Variants in TP53AIP1 observed in about 807,000 individuals in gnomAD.
The protein encoded by TP53AIP1 is p53-regulated apoptosis-inducing protein 1.
Under a neutral mutation model 9.5 loss-of-function variants are expected in TP53AIP1, and 14 were observed. The ratio of observed to expected loss-of-function variants is 1.47; its 90% CI spans 0.97 to 2.30. The LOEUF (loss-of-function observed/expected upper bound fraction) is 2.30, where lower values mean the gene tolerates loss of function less well. Among genes scored for constraint, TP53AIP1 ranks in the 30% most tolerant of loss-of-function variants. TP53AIP1 has a pLI of 0.00. For missense variants in TP53AIP1, 153 were observed against 146.7 expected (o/e 1.04, Z -0.22); for synonymous variants, 73 against 61.2 (o/e 1.19, Z -0.90).
chr11:128,936,647 A>G lies in TP53AIP1; in HGVS notation c.144T>C (p.Val48=). Residue 48 remains valine (V), a splice_region_variant and synonymous_variant, in exon 3 of 4, where the codon GTT becomes GTC. Coordinates refer to ENST00000531399, the MANE Select transcript of TP53AIP1 (RefSeq NM_022112.3). Reference sequence around the variant, plus strand: ...GGGCACCCAAAACTAAGGGATCTGAAACCTGAGAGGAAATGGAAGCAGACT... The same window carrying G: ...GGGCACCCAAAACTAAGGGATCTGAGACCTGAGAGGAAATGGAAGCAGACT... The part of the protein sequence containing the change: ...GRAQTHTPGW[V]SDPLVLGAQV... 1 of 1,580,050 alleles carries G rather than the reference A, an allele frequency of 6.3e-7. No homozygotes were observed. Among genetic ancestry groups the G allele is most frequent in the African/African-American group, 1.3e-5 (1 of 74,570 alleles).
In TP53AIP1 at chr11:128,936,988, G is replaced by T. The variant is rs560119944; in HGVS notation, c.142-339C>A. On this transcript the variant is annotated intron_variant, in intron 2 of 3. Coordinates refer to ENST00000531399, the MANE Select transcript of TP53AIP1 (RefSeq NM_022112.3). ...CTGGGCCCTGCACCTCAGACGCTGC[G>T]TGTGAGCTTCTGGGGAGAGAAGTGT... 17 of 1,091,188 alleles carry T rather than the reference G, an allele frequency of 1.6e-5. No individual in the cohort carries two copies. In the African/African-American group the frequency reaches 2.0e-4, roughly 13 times the overall value. The allele number at this position is 1,091,188 out of a possible 1,614,324, so 67.6% of individuals were successfully genotyped here.
downstream of TP53AIP1, chr11:128,934,883 T>C (rs764644980): frequency 3.5e-5 from 23 of 648,362 alleles, no homozygotes; most frequent in Non-Finnish European, 5.6e-5. Context: ...TCCTCGGAAG[T>C]GTCATGTAGA....
At chr11:128,935,837 A>G (rs369880197) in intron 3 of TP53AIP1, 125 bp from the exon 4 acceptor site, 4 of 1,374,332 alleles carry the variant, frequency 2.9e-6, no homozygotes, top group Middle Eastern at 4.2e-4. Context: ...CTAAAACACA[A>G]TCCATTGTAA....
Position 128,937,684 on chromosome 11 carries a change from A to G in TP53AIP1, c.135T>C (p.Pro45=), listed in dbSNP as rs1457521522. 1.2e-6 allele frequency: 2 copies of G among 1,614,050 alleles called. No homozygotes were observed. Among genetic ancestry groups the G allele is most frequent in the Admixed American group, 3.3e-5 (2 of 60,008 alleles). Reference sequence around the variant, plus strand: ...TTTCACTGCAGGGACTTACCCAGCCAGGTGTGTGTGTCTGAGCCCTGCCAT... The same window carrying G: ...TTTCACTGCAGGGACTTACCCAGCCGGGTGTGTGTGTCTGAGCCCTGCCAT... The part of the protein sequence containing the change: ...PPNGRAQTHT[P]GWVSDPLVLG... The change falls in exon 2 of 4, where the codon CCT becomes CCC. Residue 45 remains proline, a synonymous_variant. Coordinates refer to ENST00000531399, the MANE Select transcript of TP53AIP1 (RefSeq NM_022112.3). This position sits in a 1 kb window ranked among gnomAD's most constrained non-coding sequence, Gnocchi z 4.8.
intron 3 of TP53AIP1, 55 bp from the exon 4 acceptor site, chr11:128,935,767 T>C (rs1944810410): frequency 2.0e-6 from 3 of 1,472,564 alleles, no homozygotes; most frequent in East Asian, 2.5e-5. Context: ...GTCCTTGTTA[T>C]TTACCAAATA....
downstream of TP53AIP1, chr11:128,934,913 C>T (rs1944779993): frequency 2.9e-6 from 2 of 691,338 alleles, no homozygotes; most frequent in Non-Finnish European, 2.6e-6. Context: ...AGCTGCAGCC[C>T]ACCCAGGGAA....
chr11:128,934,989 C>T (rs1243186738), downstream of TP53AIP1: 1 of 702,906 alleles, frequency 1.4e-6, no homozygotes, highest in East Asian at 2.7e-5. Context: ...GCTTTCAACT[C>T]CCAGAATTTC....
chr11:128,940,493 C>T (rs1243914145), intron 1 of TP53AIP1, among the ~76,000 whole-genome samples: 2 of 152,182 alleles, frequency 1.3e-5, no homozygotes, highest in Admixed American at 1.3e-4. Context: ...GGAGGGAGTA[C>T]ATTCACTCGT....
At chr11:128,935,006 A>G, downstream of TP53AIP1, 1 of 703,024 alleles carries the variant, frequency 1.4e-6, no homozygotes, top group Non-Finnish European at 2.6e-6. Context: ...TTTCAGGATG[A>G]GGCAGCTCTG....
chr11:128,936,489 A>G (rs1944826132), intron 3 of TP53AIP1, 49 bp downstream of exon 3: 10 of 1,503,514 alleles, frequency 6.7e-6, no homozygotes, highest in Non-Finnish European at 8.8e-6. Context: ...AAATCACTTA[A>G]TTCTATCACG....
chr11:128,941,225 GTCT>G (rs1408716153), intron 1 of TP53AIP1, among the ~76,000 whole-genome samples: 4 of 152,172 alleles, frequency 2.6e-5, no homozygotes, highest in Non-Finnish European at 5.9e-5. Flanking sequence ...GCCCACCACT[GTCT>G]TCTTGCCCCG....
At chr11:128,941,633 C>T (rs1303995443) in intron 1 of TP53AIP1, among the ~76,000 whole-genome samples, 5 of 152,248 alleles carry the variant, frequency 3.3e-5, no homozygotes, top group African/African-American at 4.8e-5. Flanking sequence ...TCTCTGCTTG[C>T]CCCGGCTGCT....
In TP53AIP1 at chr11:128,939,673, G is replaced by A. The variant is rs766969329; in HGVS notation, c.-76-1779C>T. On this transcript the variant is annotated intron_variant, in intron 1 of 3. Transcript: ENST00000531399. This position sits in a 1 kb window ranked among gnomAD's most constrained non-coding sequence, Gnocchi z 4.1. ...AACTGTCGGATTCTCTAAGAGGTCCGTCACAACCCATCTTAATGCAAGAGG... is the reference window on the plus strand; with the variant it reads ...AACTGTCGGATTCTCTAAGAGGTCCATCACAACCCATCTTAATGCAAGAGG... 4.7e-4 allele frequency among the ~76,000 whole-genome samples: 72 copies of A among 152,282 alleles called. No homozygotes were observed. Among genetic ancestry groups the A allele is most frequent in the Middle Eastern group, 3.4e-3 (1 of 294 alleles).
chr11:128,937,563 T>C lies in TP53AIP1; in HGVS notation c.141+115A>G, dbSNP rs1332002180. The C allele has an allele frequency of 6.2e-7, 1 of 1,614,036 alleles. No individual in the cohort carries two copies. The highest frequency in any genetic ancestry group is 1.7e-5 in the Admixed American group (1 of 60,000). On this transcript the variant is annotated intron_variant, in intron 2 of 3. Coordinates refer to ENST00000531399, the MANE Select transcript of TP53AIP1 (RefSeq NM_022112.3). This position sits in a 1 kb window ranked among gnomAD's most constrained non-coding sequence, Gnocchi z 4.8. The stretch of plus-strand genomic sequence containing the variant: ...TGCAGCTCTGAGGACCCAGATGCTG[T>C]CACTGGGTCCTGGTGAGTCTGAAAA...
intron 1 of TP53AIP1, among the ~76,000 whole-genome samples, chr11:128,941,259 G>A (rs1191781230): frequency 6.6e-6 from 1 of 152,128 alleles, no homozygotes; most frequent in Non-Finnish European, 1.5e-5. Flanking sequence ...TCACACAAGC[G>A]ATTCTCTCCA....
At chr11:128,941,645 G>A (rs1183221968) in intron 1 of TP53AIP1, among the ~76,000 whole-genome samples, 2 of 152,192 alleles carry the variant, frequency 1.3e-5, no homozygotes, top group Non-Finnish European at 2.9e-5. Flanking sequence ...CCGGCTGCTG[G>A]GGGGACATGA....
chr11:128,936,346 G>A, intron 3 of TP53AIP1, 192 bp downstream of exon 3: 1 of 1,380,462 alleles, frequency 7.2e-7, no homozygotes, highest in Non-Finnish European at 9.3e-7. Context: ...ATTTTAATTT[G>A]AGAAATTAAA....
At position 128,935,585 on chromosome 11, in the gene TP53AIP1, C is replaced by G. The variant is rs2136016324; in HGVS notation, c.*6G>C. The G allele has an allele frequency of 7.1e-6, 11 of 1,557,516 alleles. No individual in the cohort carries two copies. Among genetic ancestry groups the G allele is most frequent in the Non-Finnish European group, 7.8e-6 (9 of 1,158,912 alleles). On this transcript the variant is annotated 3_prime_UTR_variant, in exon 4 of 4. Transcript: ENST00000531399. ...CCAGGCTGGAGTGCAGTGGCGTGAT[C>G]TCGGCTCACTGCAACCTCAACGGTG...
downstream of TP53AIP1, chr11:128,934,870 G>C: frequency 3.2e-6 from 2 of 630,694 alleles, no homozygotes; most frequent in Non-Finnish European, 5.7e-6. Flanking sequence ...TGCCCACTGG[G>C]GATCCTCGGA....
Sources: allele counts gnomAD v4.1 joint callset (sites outside exome capture counted in the v4.1 genomes callset), GRCh38; gene constraint gnomAD v4.1.1; non-coding constraint Gnocchi (gnomAD v3.1); transcripts MANE v1.5; gene names NCBI Gene and HGNC (gene_info 2026-07-23, HGNC 2026-07-21).